TET3: variants seen among roughly 807,000 people sequenced by gnomAD.
TET3 encodes methylcytosine dioxygenase TET3.
In TET3, 19 loss-of-function variants were observed where a neutral mutation model predicts 141.4. That is an observed-to-expected ratio of 0.13 (90% CI 0.09 to 0.20). The LOEUF (loss-of-function observed/expected upper bound fraction) is 0.20. TET3 is among the 10% of genes least tolerant of loss of function. The probability of loss-of-function intolerance (pLI) is 1.00; values close to 1 mark genes in which losing one functional copy is unlikely to be tolerated. For missense variants in TET3, 1,874 were observed against 2,356.9 expected (o/e 0.80, Z 4.24); for synonymous variants, 1,043 against 980.9 (o/e 1.06, Z -1.18).
At chr2:74,127,761 G>A in the TET3 span, among the ~76,000 whole-genome samples, 2 of 151,936 alleles carry the variant, frequency 1.3e-5, no homozygotes, top group Admixed American at 1.3e-4. Context: ...TTTGTATAGG[G>A]CACGGGAGAA....
At chr2:74,114,903 C>T in the TET3 span, among the ~76,000 whole-genome samples, 3 of 133,810 alleles carry the variant, frequency 2.2e-5, no homozygotes, top group African/African-American at 5.8e-5. Flanking sequence ...TATCTATATG[C>T]GAAGAAGAAA....
At chr2:74,011,272 AC>A (rs1181567660) in intron 3 of TET3, among the ~76,000 whole-genome samples, 2 of 151,988 alleles carry the variant, frequency 1.3e-5, no homozygotes, top group Non-Finnish European at 2.9e-5. Context: ...AGTATAGTAT[AC>A]ACACGGAAAG....
At chr2:74,124,596 C>T in the TET3 span, among the ~76,000 whole-genome samples, 1 of 152,346 alleles carries the variant, frequency 6.6e-6, no homozygotes, top group Middle Eastern at 3.4e-3. Flanking sequence ...ATTCTTCTGC[C>T]TTGGGATGCT....
chr2:74,093,591 G>A lies in TET3; in HGVS notation c.3192G>A (p.Ala1064=), dbSNP rs371103642. The A allele has an allele frequency of 8.7e-6, 14 of 1,613,470 alleles. 1 individual carries two copies. Among genetic ancestry groups the A allele is most frequent in the Middle Eastern group, 1.6e-4 (1 of 6,078 alleles). ...RLGLKEGRPF[A]GVTACMDFCA... ...GGCTGAAGGAAGGACGGCCCTTCGC[G>A]GGGGTCACGGCCTGCATGGACTTCT... Residue 1064 remains alanine (A), a synonymous_variant, in exon 10 of 12, where the codon GCG becomes GCA. Transcript: ENST00000409262. This position sits in a 1 kb window ranked among gnomAD's most constrained non-coding sequence, Gnocchi z 4.2.
rs368194562 is a variant in TET3, at chr2:74,100,493, G to C, written c.3705G>C (p.Ala1235=). ...HFSSFKYSGN[A]VVESYSVLGN... Reference sequence around the variant, plus strand: ...GCTCCTTCAAGTACAGCGGCAACGCGGTGGTGGAGAGCTACTCGGTGCTGG... The same window carrying C: ...GCTCCTTCAAGTACAGCGGCAACGCCGTGGTGGAGAGCTACTCGGTGCTGG... The change falls in exon 12 of 12, where the codon GCG becomes GCC. Residue 1235 remains alanine (A), a synonymous_variant. Transcript: ENST00000409262. 5.6e-6 allele frequency: 9 copies of C among 1,602,390 alleles called. No individual in the cohort carries two copies. The highest frequency in any genetic ancestry group is 1.7e-5 in the Admixed American group (1 of 58,304).
chr2:74,061,233 G>A (rs567725374), intron 4 of TET3, among the ~76,000 whole-genome samples: 2 of 143,368 alleles, frequency 1.4e-5, no homozygotes, highest in Non-Finnish European at 3.1e-5. Context: ...GTGGCTGGCC[G>A]GGCGGGGGGC....
intron 2 of TET3, among the ~76,000 whole-genome samples, chr2:73,988,071 C>T (rs1376818985): frequency 2.0e-5 from 3 of 152,196 alleles, no homozygotes; most frequent in African/African-American, 7.2e-5. Context: ...TCCCTTGTTT[C>T]TGGTTAAAGC....
chr2:73,995,082 C>T (rs1469381584), intron 2 of TET3, among the ~76,000 whole-genome samples: 2 of 152,170 alleles, frequency 1.3e-5, no homozygotes, highest in Non-Finnish European at 1.5e-5. Flanking sequence ...GCCTCAGCCT[C>T]CCAGGTAGCT....
intron 4 of TET3, among the ~76,000 whole-genome samples, chr2:74,063,722 G>C (rs964176991): frequency 6.6e-6 from 1 of 152,064 alleles, no homozygotes; most frequent in Non-Finnish European, 1.5e-5. Context: ...GAGATCTGCT[G>C]TACAGCATAC....
At chr2:74,052,477 T>C (rs1283818770) in intron 4 of TET3, among the ~76,000 whole-genome samples, 3 of 147,902 alleles carry the variant, frequency 2.0e-5, no homozygotes, top group African/African-American at 7.6e-5. Context: ...GGGTGAAATA[T>C]GGAGACTCCA....
the TET3 span, among the ~76,000 whole-genome samples, chr2:74,124,753 C>G: frequency 2.0e-5 from 3 of 151,892 alleles, 1 homozygote; most frequent in East Asian, 5.8e-4. Flanking sequence ...CATCACCACT[C>G]CCTAATCTCA....
intron 10 of TET3, among the ~76,000 whole-genome samples, chr2:74,097,195 G>GCACGCACACA (rs1553435449): frequency 3.6e-5 from 5 of 137,960 alleles, no homozygotes; most frequent in Admixed American, 1.5e-4. Flanking sequence ...AGCCATACAT[G>GCACGCACACA]CACACACACA....
chr2:73,998,700 G>A (rs1345304498), intron 2 of TET3, among the ~76,000 whole-genome samples: 1 of 152,208 alleles, frequency 6.6e-6, no homozygotes, highest in African/African-American at 2.4e-5. Flanking sequence ...AAATATAGGG[G>A]ATGATGTGTG....
chr2:74,012,320 A>G (rs1189647438), intron 3 of TET3, among the ~76,000 whole-genome samples: 1 of 152,206 alleles, frequency 6.6e-6, no homozygotes, highest in African/African-American at 2.4e-5. Context: ...TATTCTATGC[A>G]TATTTCATAT....
downstream of TET3, among the ~76,000 whole-genome samples, chr2:74,109,160 G>C (rs973973892): frequency 6.6e-6 from 1 of 152,170 alleles, no homozygotes; most frequent in Non-Finnish European, 1.5e-5. Context: ...CATCTGCAGA[G>C]CCTGAAGGGA....
Position 74,087,963 on chromosome 2 carries a change from C to G in TET3, c.2813C>G (p.Thr938Ser). Residue 938 changes from threonine (T) to serine (S), a missense_variant, in exon 7 of 12, where the codon ACC becomes AGC. Coordinates refer to ENST00000409262, the MANE Select transcript of TET3 (RefSeq NM_001287491.2). The surrounding 1 kb of genome is among the most constrained non-coding windows in gnomAD (Gnocchi z 4.3). ...GGCATTCCCCGTAGCCTCGGAGACA[C>G]CCTCTACCAGGAGCTCACCGACACC... ...WEGIPRSLGDTLYQELTDTLR... is the reference protein window; with the variant it reads ...WEGIPRSLGDSLYQELTDTLR... 1 of 1,557,264 alleles carries G rather than the reference C, an allele frequency of 6.4e-7. No individual in the cohort carries two copies. Among genetic ancestry groups the G allele is most frequent in the Non-Finnish European group, 8.7e-7 (1 of 1,150,368 alleles).
At chr2:74,061,288 A>AGG (rs1334996698) in intron 4 of TET3, among the ~76,000 whole-genome samples, 6 of 135,088 alleles carry the variant, frequency 4.4e-5, no homozygotes, top group Admixed American at 4.3e-4. Flanking sequence ...GGCCAGGCAG[A>AGG]GGGGCTCCTC....
chr2:74,046,680 A>G lies in TET3; in HGVS notation c.763A>G (p.Thr255Ala), dbSNP rs1222918552. 1.2e-6 allele frequency: 2 copies of G among 1,613,894 alleles called. No homozygotes were observed. The highest frequency in any genetic ancestry group is 2.2e-5 in the East Asian group (1 of 44,890). Reference protein sequence around the residue: ...GCSAGSEDLDTLQTALALARH... With the variant: ...GCSAGSEDLDALQTALALARH... ...CTCTGCTGGCAGCGAAGACCTTGAC[A>G]CACTGCAGACGGCCCTGGCCCTCGC... is the stretch of plus-strand genomic sequence containing the variant. The change falls in exon 4 of 12, where the codon ACA becomes GCA. Residue 255 changes from threonine to alanine, a missense_variant. Coordinates refer to ENST00000409262, the MANE Select transcript of TET3 (RefSeq NM_001287491.2). This position sits in a 1 kb window ranked among gnomAD's most constrained non-coding sequence, Gnocchi z 4.3.
intron 4 of TET3, 35 bp from the exon 5 acceptor site, chr2:74,073,514 T>C (rs1443710205): frequency 6.6e-7 from 1 of 1,506,064 alleles, no homozygotes; most frequent in Non-Finnish European, 9.0e-7. Context: ...GACTAATTGA[T>C]ATTCCAAAAA....
Sources: gnomAD v4.1 joint callset for allele counts (sites outside exome capture counted in the v4.1 genomes callset) on GRCh38, gnomAD v4.1.1 for gene constraint, Gnocchi (gnomAD v3.1) non-coding constraint, MANE v1.5 for transcripts, NCBI Gene and HGNC (gene_info 2026-07-23, HGNC 2026-07-21) for gene names.